The following ATOSA variants were observed in gnomAD, a reference collection of about 807,000 sequenced individuals.
ATOSA encodes the protein atos homolog A.
At chr15:52,623,587 G>A in the ATOSA span, among the ~76,000 whole-genome samples, 1 of 151,958 alleles carries the variant, frequency 6.6e-6, no homozygotes, top group African/African-American at 2.4e-5. Flanking sequence ...TGGAAGCCTT[G>A]AGAGAATAGG....
At chr15:52,606,936 G>A in the ATOSA span, among the ~76,000 whole-genome samples, 1 of 152,064 alleles carries the variant, frequency 6.6e-6, no homozygotes. Context: ...GAAAAGTAAA[G>A]GAAAGTGAAG....
the ATOSA span, among the ~76,000 whole-genome samples, chr15:52,693,565 TC>T: frequency 6.6e-6 from 1 of 152,096 alleles, no homozygotes; most frequent in African/African-American, 2.4e-5. Flanking sequence ...AGAGGTCCAT[TC>T]ACAAAAACAA....
the ATOSA span, among the ~76,000 whole-genome samples, chr15:52,668,323 T>C: frequency 5.3e-5 from 8 of 152,200 alleles, no homozygotes; most frequent in Admixed American, 3.9e-4. Flanking sequence ...ACATACTGCA[T>C]GATCTCACTT....
chr15:52,614,623 A>C, the ATOSA span, among the ~76,000 whole-genome samples: 1 of 151,768 alleles, frequency 6.6e-6, no homozygotes, highest in Admixed American at 6.6e-5. Context: ...CGAGGTGGGC[A>C]GATCACCTGA....
chr15:52,656,105 CAAAG>C, the ATOSA span: 2 of 151,910 alleles, frequency 1.3e-5, no homozygotes, highest in African/African-American at 4.8e-5. Flanking sequence ...AACTCTTGAT[CAAAG>C]AAAGATTTCT....
chr15:52,676,795 AAAAT>A, the ATOSA span, among the ~76,000 whole-genome samples: 7 of 152,220 alleles, frequency 4.6e-5, no homozygotes, highest in East Asian at 1.2e-3. Flanking sequence ...ACAACAATTC[AAAAT>A]AAATAGTGAC....
At chr15:52,636,203 A>G in the ATOSA span, among the ~76,000 whole-genome samples, 1 of 150,344 alleles carries the variant, frequency 6.7e-6, no homozygotes, top group South Asian at 2.1e-4. Context: ...TTTAAATCAT[A>G]AAGTATGTTT....
At chr15:52,634,390 C>T in the ATOSA span, among the ~76,000 whole-genome samples, 3 of 150,812 alleles carry the variant, frequency 2.0e-5, no homozygotes, top group African/African-American at 2.4e-5. Flanking sequence ...GGTGACAAAG[C>T]GAGGAAAAAA....
chr15:52,700,337 A>T, the ATOSA span, among the ~76,000 whole-genome samples: 1 of 152,166 alleles, frequency 6.6e-6, no homozygotes, highest in Non-Finnish European at 1.5e-5. Context: ...TAAGACTGTA[A>T]TATATAACCC....
chr15:52,623,544 C>A, the ATOSA span, among the ~76,000 whole-genome samples: 2 of 151,920 alleles, frequency 1.3e-5, no homozygotes, highest in Non-Finnish European at 2.9e-5. Flanking sequence ...AGACGACGAA[C>A]AGCAAAAGGA....
chr15:52,630,757 C>A, the ATOSA span, among the ~76,000 whole-genome samples: 20 of 152,044 alleles, frequency 1.3e-4, no homozygotes, highest in African/African-American at 3.9e-4. Flanking sequence ...CTGTCTATAA[C>A]AACAAAATTT....
At chr15:52,635,716 G>A in the ATOSA span, among the ~76,000 whole-genome samples, 426 of 151,940 alleles carry the variant, frequency 2.8e-3, 1 homozygote, top group African/African-American at 8.1e-3. Context: ...AATCAAAATC[G>A]GCCAGGCACA....
the ATOSA span, among the ~76,000 whole-genome samples, chr15:52,662,923 C>T: frequency 3.9e-5 from 6 of 152,020 alleles, no homozygotes; most frequent in Non-Finnish European, 5.9e-5. Flanking sequence ...AAAGAATTAG[C>T]TAACAGTAGA....
the ATOSA span, among the ~76,000 whole-genome samples, chr15:52,641,642 G>A: frequency 4.6e-5 from 7 of 152,330 alleles, no homozygotes; most frequent in East Asian, 1.3e-3. Flanking sequence ...AACTGTATGA[G>A]CGGATTCATT....
At chr15:52,584,145 C>CTT in the ATOSA span, among the ~76,000 whole-genome samples, 7 of 125,308 alleles carry the variant, frequency 5.6e-5, no homozygotes, top group African/African-American at 1.2e-4. Context: ...GCTCATATTA[C>CTT]TTTTTTTTTT....
chr15:52,678,249 A>G, the ATOSA span: 1 of 613,544 alleles, frequency 1.6e-6, no homozygotes, highest in Non-Finnish European at 2.9e-6. Flanking sequence ...CTGGTCTGAA[A>G]AAAGCAAAAC....
the ATOSA span, among the ~76,000 whole-genome samples, chr15:52,699,747 AT>A: frequency 6.6e-6 from 1 of 152,244 alleles, no homozygotes; most frequent in East Asian, 1.9e-4. Context: ...AGTACTCAGA[AT>A]ATGATATCAA....
the ATOSA span, chr15:52,608,785 C>T: frequency 3.1e-6 from 5 of 1,604,280 alleles, no homozygotes; most frequent in East Asian, 1.1e-4. Context: ...TGTCTTAGGC[C>T]TTTTTGAGTC....
chr15:52,644,619 G>A, the ATOSA span, among the ~76,000 whole-genome samples: 1 of 152,166 alleles, frequency 6.6e-6, no homozygotes, highest in Non-Finnish European at 1.5e-5. Context: ...TTAAAGTGAT[G>A]AAAGCTAATT....
Sources: allele counts gnomAD v4.1 joint callset (sites outside exome capture counted in the v4.1 genomes callset), GRCh38; gene constraint gnomAD v4.1.1; transcripts MANE v1.5; gene names NCBI Gene and HGNC (gene_info 2026-07-23, HGNC 2026-07-21).